Variants in MYSM1 observed in about 807,000 individuals in gnomAD.
The protein encoded by MYSM1 is Myb like, SWIRM and MPN domains 1.
In MYSM1, 51 loss-of-function variants were observed where a neutral mutation model predicts 116.0. That is an observed-to-expected ratio of 0.44 (90% CI 0.35 to 0.56). The LOEUF is 0.56. Ranked by LOEUF, MYSM1 falls within the 20% of genes least tolerant of loss-of-function variation. The pLI is 0.00. For missense variants in MYSM1, 900 were observed against 974.9 expected, an observed-to-expected ratio of 0.92 and a Z score of 1.02; for synonymous variants, 313 against 315.2, an observed-to-expected ratio of 0.99 and a Z score of 0.07.
intron 1 of MYSM1, among the ~76,000 whole-genome samples, chr1:58,697,143 T>C (rs1310371843): frequency 6.6e-6 from 1 of 152,146 alleles, no homozygotes; most frequent in African/African-American, 2.4e-5. Context: ...AAATAACTGA[T>C]AGGGTAGAGG....
In MYSM1 at chr1:58,673,624, G is replaced by T. The variant is rs1644597892; in HGVS notation, c.1521C>A (p.Asp507Glu). 6.2e-7 allele frequency: 1 copy of T among 1,613,858 alleles called. No individual in the cohort carries two copies. Among genetic ancestry groups the T allele is most frequent in the Non-Finnish European group, 8.5e-7 (1 of 1,179,960 alleles). The change falls in exon 11 of 20, where the codon GAC (aspartate) becomes GAA (glutamate). Residue 507 changes from aspartate to glutamate, a missense_variant. Around this residue, in one of 3 missense-constraint regions of MYSM1, gnomAD observed 622 missense variants for 623.7 expected, o/e 1.00. Transcript: ENST00000472487. Reference sequence around the variant, plus strand: ...TTGCATCACACCAGTTTCCCCATGGGTCTCGGACCCTACGTCTCCTTGTAC... The same window carrying T: ...TTGCATCACACCAGTTTCCCCATGGTTCTCGGACCCTACGTCTCCTTGTAC... ...SMRTRRRRVR[D>E]PWGNWCDAKD...
At chr1:58,661,337 G>GT (rs1324582657) in intron 18 of MYSM1, 69 bp downstream of exon 18, 8 of 1,359,758 alleles carry the variant, frequency 5.9e-6, no homozygotes, top group Admixed American at 1.7e-5. Context: ...TTTAACTTGG[G>GT]TTTTCTCTGA....
intron 15 of MYSM1, 106 bp downstream of exon 15, chr1:58,667,739 TCA>T: frequency 2.9e-6 from 2 of 701,234 alleles, no homozygotes; most frequent in South Asian, 3.5e-5. Context: ...CTCATATATA[TCA>T]TAGGTAAAGT....
Position 58,669,009 on chromosome 1 carries a change from C to G in MYSM1, c.1691G>C (p.Cys564Ser). 1 of 1,601,644 alleles carries G rather than the reference C, an allele frequency of 6.2e-7. No individual in the cohort carries two copies. Among genetic ancestry groups the G allele is most frequent in the Non-Finnish European group, 8.5e-7 (1 of 1,175,578 alleles). Residue 564 changes from cysteine (C) to serine (S), a missense_variant, in exon 13 of 20, where the codon TGT becomes TCT. Physicochemically the swap from Cys to Ser is moderately radical, Grantham distance 112 (BLOSUM62 -1). Transcript: ENST00000472487. ...SSFDPFQLIP[C>S]NFFSEEKQEP... is the part of the protein sequence containing the mutation. ...CTGCTTTTCTTCACTAAAAAAATTA[C>G]AAGGTATCAGTTGGAAGGGATCAAA...
chr1:58,692,945 G>T lies in MYSM1; in HGVS notation c.148-14C>A, dbSNP rs764899194. 58 of 1,572,154 alleles carry T rather than the reference G, an allele frequency of 3.7e-5. No homozygotes were observed. The highest frequency in any genetic ancestry group is 1.3e-4 in the Admixed American group (7 of 52,814). ...CAAGGTCCAAGGCTATTAAAAAAGA[G>T]AATATATTTGTCTTTTTATTTATTG... is the stretch of plus-strand genomic sequence containing the variant. On this transcript the variant is annotated splice_polypyrimidine_tract_variant and intron_variant, in intron 2 of 19. Coordinates refer to ENST00000472487, the MANE Select transcript of MYSM1 (RefSeq NM_001085487.3).
chr1:58,663,198 T>C (rs2100591215), intron 17 of MYSM1, among the ~76,000 whole-genome samples: 1 of 152,216 alleles, frequency 6.6e-6, no homozygotes, highest in Admixed American at 6.5e-5. Context: ...TAAAGAGAGG[T>C]AAATAATGCA....
In MYSM1 at chr1:58,700,036, G is replaced by T. The variant is rs12402204; in HGVS notation, c.17C>A (p.Ala6Glu). ...CACGTCCCCTTCGATATCCACATCC[G>T]CCTCTTCAGCCGCCATGATGGGACC... MAAEE[A>E]DVDIEGDVVA... Residue 6 changes from alanine (A) to glutamate (E), a missense_variant, in exon 1 of 20, where the codon GCG (alanine) becomes GAG (glutamate). Transcript: ENST00000472487. 2 of 1,613,588 alleles carry T rather than the reference G, an allele frequency of 1.2e-6. No homozygotes were observed. Among genetic ancestry groups the T allele is most frequent in the Non-Finnish European group, 8.5e-7 (1 of 1,179,960 alleles).
In MYSM1 at chr1:58,695,731, A is replaced by C. The variant is rs1644964712; in HGVS notation, c.69-524T>G. On this transcript the variant is annotated intron_variant, in intron 1 of 19. Coordinates refer to ENST00000472487, the MANE Select transcript of MYSM1 (RefSeq NM_001085487.3). ...AGAAGGACAGTACAGTGAATAGATA[A>C]GAAAAATGTGGTTTTAATAACAACT... 2.0e-5 allele frequency among the ~76,000 whole-genome samples: 3 copies of C among 152,318 alleles called. No individual in the cohort carries two copies. The South Asian group carries it at 6.2e-4, about 32-fold the overall frequency.
intron 17 of MYSM1, among the ~76,000 whole-genome samples, chr1:58,662,462 C>T (rs80285282): frequency 0.014 from 1,505 of 109,156 alleles, 11 homozygotes; most frequent in Middle Eastern, 0.028. Context: ...TCACCCCCCC[C>T]TTTTTTTTTT....
chr1:58,691,152 C>A (rs1010902125), intron 3 of MYSM1, among the ~76,000 whole-genome samples: 5 of 152,044 alleles, frequency 3.3e-5, no homozygotes, highest in Non-Finnish European at 5.9e-5. Flanking sequence ...TGGTGGCGGG[C>A]GCCTGTAGTC....
At chr1:58,662,972 A>T (rs2100590695) in intron 17 of MYSM1, among the ~76,000 whole-genome samples, 1 of 152,260 alleles carries the variant, frequency 6.6e-6, no homozygotes, top group East Asian at 1.9e-4. Flanking sequence ...ACCCACTGAA[A>T]ACCTATTATT....
At position 58,690,370 on chromosome 1, in the gene MYSM1, T is replaced by C. The variant is rs775201985; in HGVS notation, c.266A>G (p.Gln89Arg). Reference protein sequence around the residue: ...KSQPEKVWLDQKEDDKKYMKS... With the variant: ...KSQPEKVWLDRKEDDKKYMKS... Reference sequence around the variant, plus strand: ...CATGTATTTTTTATCATCTTCCTTTTGATCAAGCCAGACTTTTTCCGGTTG... The same window carrying C: ...CATGTATTTTTTATCATCTTCCTTTCGATCAAGCCAGACTTTTTCCGGTTG... The change falls in exon 4 of 20, where the codon CAA becomes CGA. Residue 89 changes from glutamine (Q) to arginine (R), a missense_variant. Coordinates refer to ENST00000472487, the MANE Select transcript of MYSM1 (RefSeq NM_001085487.3). 2.5e-6 allele frequency: 4 copies of C among 1,604,210 alleles called. No individual in the cohort carries two copies. Among genetic ancestry groups the C allele is most frequent in the Non-Finnish European group, 3.4e-6 (4 of 1,175,296 alleles).
chr1:58,693,555 T>C (rs1394418007), intron 2 of MYSM1, among the ~76,000 whole-genome samples: 1 of 152,250 alleles, frequency 6.6e-6, no homozygotes, highest in Admixed American at 6.5e-5. Context: ...TTATTCCATG[T>C]AGAAATTCAG....
chr1:58,696,544 C>T (rs2100686106), intron 1 of MYSM1, among the ~76,000 whole-genome samples: 1 of 152,330 alleles, frequency 6.6e-6, no homozygotes, highest in Admixed American at 6.5e-5. Context: ...CCTAATTCTG[C>T]TGTTTCTCCC....
chr1:58,679,016 A>G (rs583854), intron 8 of MYSM1, among the ~76,000 whole-genome samples: 8,760 of 152,242 alleles, frequency 0.058, 783 homozygotes, highest in African/African-American at 0.2. Context: ...TAAGTACAGT[A>G]CATGGTATTC....
chr1:58,688,714 C>T (rs1644863141), intron 6 of MYSM1, among the ~76,000 whole-genome samples: 6 of 151,352 alleles, frequency 4.0e-5, no homozygotes, highest in Admixed American at 3.9e-4. Flanking sequence ...AAAGAGATTA[C>T]TAAATAATTT....
chr1:58,681,604 T>A (rs908275679), intron 8 of MYSM1, among the ~76,000 whole-genome samples, 181 bp downstream of exon 8: 2 of 152,324 alleles, frequency 1.3e-5, no homozygotes, highest in African/African-American at 4.8e-5. Flanking sequence ...AAAGATGGGT[T>A]ATGAGAGTTA....
intron 1 of MYSM1, among the ~76,000 whole-genome samples, chr1:58,696,697 T>A (rs1367815748): frequency 6.6e-6 from 1 of 152,186 alleles, no homozygotes; most frequent in African/African-American, 2.4e-5. Flanking sequence ...TCTCCACCCA[T>A]CTCCATCTGA....
At position 58,656,169 on chromosome 1, in the gene MYSM1, T is replaced by C. The variant is rs369312118; in HGVS notation, c.*3828A>G. The stretch of plus-strand genomic sequence containing the variant: ...CATGTTGAAGCCACAGTCTCCTCTG[T>C]TGGGTTGAGAGCTGCAGAGGTTCTG... On this transcript the variant is annotated 3_prime_UTR_variant, in exon 20 of 20. Transcript: ENST00000472487. 6.6e-5 allele frequency: 10 copies of C among 152,372 alleles called. No individual in the cohort carries two copies. In the South Asian group the frequency reaches 8.3e-4, roughly 13 times the overall value. 9.4% of individuals were successfully genotyped at this position (152,372 alleles called of 1,614,324 possible).
Sources: allele counts gnomAD v4.1 joint callset (sites outside exome capture counted in the v4.1 genomes callset), GRCh38; gene constraint gnomAD v4.1.1; regional missense constraint gnomAD v4.1.1; transcripts MANE v1.5; gene names NCBI Gene and HGNC (gene_info 2026-07-23, HGNC 2026-07-21).